The following DLG2 variants were observed in gnomAD, a reference collection of about 807,000 sequenced individuals.
The protein encoded by DLG2 is disks large homolog 2.
In DLG2, 45 loss-of-function variants were observed where a neutral mutation model predicts 132.5. The ratio of observed to expected loss-of-function variants is 0.34; its 90% CI spans 0.27 to 0.44. The LOEUF (loss-of-function observed/expected upper bound fraction) is 0.44. Among genes scored for constraint, DLG2 ranks in the 20% least tolerant of loss-of-function variants. DLG2 has a pLI of 1.00. For missense variants in DLG2, 1,045 were observed against 1,196.9 expected (o/e 0.87, Z 1.87); for synonymous variants, 424 against 419.6 (o/e 1.01, Z -0.13).
intron 4 of DLG2, among the ~76,000 whole-genome samples, chr11:85,252,181 G>A (rs1380633009): frequency 6.6e-6 from 1 of 152,198 alleles, no homozygotes; most frequent in East Asian, 1.9e-4. Flanking sequence ...TTCACAACTG[G>A]ATAGAGTAAC....
chr11:84,848,350 C>G (rs1040047862), intron 6 of DLG2, among the ~76,000 whole-genome samples: 1 of 151,886 alleles, frequency 6.6e-6, no homozygotes, highest in Non-Finnish European at 1.5e-5. Context: ...AAAAATTAGC[C>G]AGGCATGGTG....
chr11:84,161,906 A>T lies in DLG2; in HGVS notation c.624+1555T>A, dbSNP rs151231218. Among the ~76,000 whole-genome samples the T allele has an allele frequency of 2.7e-3, 404 of 152,244 alleles. 2 individuals are homozygous for T. Among genetic ancestry groups the T allele is most frequent in the African/African-American group, 9.2e-3 (382 of 41,568 alleles). On this transcript the variant is annotated intron_variant, in intron 9 of 27. Coordinates refer to ENST00000376104, the MANE Select transcript of DLG2 (RefSeq NM_001142699.3). ...AGCCTCACTTTTCTCCAGTTAGCATACCATTAAAATTTTATCAAGTCCATA... is the reference window on the plus strand; with the variant it reads ...AGCCTCACTTTTCTCCAGTTAGCATTCCATTAAAATTTTATCAAGTCCATA...
chr11:84,555,452 C>G (rs867598938), intron 6 of DLG2, among the ~76,000 whole-genome samples: 112 of 152,250 alleles, frequency 7.4e-4, no homozygotes, highest in Middle Eastern at 3.4e-3. Flanking sequence ...TATATACACA[C>G]ACACACACAA....
chr11:84,088,382 A>T (rs192472090), intron 10 of DLG2, among the ~76,000 whole-genome samples: 1 of 152,014 alleles, frequency 6.6e-6, no homozygotes, highest in African/African-American at 2.4e-5. Flanking sequence ...AGAGAAAAAA[A>T]AAAAAACAAA....
At chr11:84,270,931 C>A (rs533962206) in intron 7 of DLG2, among the ~76,000 whole-genome samples, 1 of 152,272 alleles carries the variant, frequency 6.6e-6, no homozygotes, top group South Asian at 2.1e-4. Flanking sequence ...GATATGTATA[C>A]TTCAGGATTT....
chr11:83,655,439 A>C (rs2153529736), intron 18 of DLG2, among the ~76,000 whole-genome samples: 1 of 152,310 alleles, frequency 6.6e-6, no homozygotes, highest in Middle Eastern at 3.4e-3. Flanking sequence ...AGAAAAGGCT[A>C]AATTTCAGGG....
At chr11:84,494,267 A>G (rs1290095349) in intron 7 of DLG2, among the ~76,000 whole-genome samples, 2 of 152,192 alleles carry the variant, frequency 1.3e-5, no homozygotes, top group African/African-American at 2.4e-5. Flanking sequence ...TATGCTGCCC[A>G]TGCCTTTGGC....
At position 83,753,809 on chromosome 11, in the gene DLG2, A is replaced by ATG. The variant is rs1215503233; in HGVS notation, c.1825+32880_1825+32881insCA. Among the ~76,000 whole-genome samples the ATG allele has an allele frequency of 3.7e-3, 304 of 82,034 alleles. 13 individuals carry two copies. In the South Asian group the frequency reaches 0.041, roughly 11 times the overall value. 53.8% of individuals were successfully genotyped at this position (82,034 alleles called of 152,430 possible). The stretch of plus-strand genomic sequence containing the variant: ...GTCATATATATGATATATCATATAT[A>ATG]TCATATATATATTTCATATATATAT... On this transcript the variant is annotated intron_variant, in intron 18 of 27. Transcript: ENST00000376104.
intron 8 of DLG2, among the ~76,000 whole-genome samples, chr11:84,167,715 G>T (rs1180669239): frequency 6.6e-6 from 1 of 151,864 alleles, no homozygotes. Flanking sequence ...CAACCAGGCT[G>T]GGGTACAGTG....
intron 19 of DLG2, among the ~76,000 whole-genome samples, chr11:83,620,357 G>T (rs1161340789): frequency 6.6e-6 from 1 of 151,826 alleles, no homozygotes; most frequent in Non-Finnish European, 1.5e-5. Context: ...TCAAAAAGTG[G>T]GTCTGTTTTA....
At chr11:84,840,682 T>C (rs1175746182) in intron 6 of DLG2, among the ~76,000 whole-genome samples, 1 of 152,078 alleles carries the variant, frequency 6.6e-6, no homozygotes, top group Non-Finnish European at 1.5e-5. Context: ...TGAGTTTATG[T>C]CCTTTGTAGG....
intron 11 of DLG2, among the ~76,000 whole-genome samples, chr11:84,053,420 T>G (rs1419515262): frequency 6.6e-6 from 1 of 151,960 alleles, no homozygotes; most frequent in East Asian, 1.9e-4. Context: ...CATATACCTC[T>G]GAACTTAAAT....
At chr11:83,994,055 C>T (rs908403261) in intron 11 of DLG2, among the ~76,000 whole-genome samples, 4 of 152,170 alleles carry the variant, frequency 2.6e-5, no homozygotes, top group African/African-American at 7.2e-5. Context: ...AGTCGCCACT[C>T]CTTTAACTTA....
At chr11:85,336,560 C>G (rs916408147) in intron 3 of DLG2, 1 of 159,816 alleles carries the variant, frequency 6.3e-6, no homozygotes, top group African/African-American at 2.4e-5. Flanking sequence ...CCTCAGGGCC[C>G]TTCTCCACCA....
At chr11:84,788,529 C>A (rs1565964883) in intron 6 of DLG2, among the ~76,000 whole-genome samples, 1 of 152,000 alleles carries the variant, frequency 6.6e-6, no homozygotes, top group Non-Finnish European at 1.5e-5. Flanking sequence ...ATTTATATTA[C>A]TTTTCTTAGT....
chr11:84,230,768 T>C (rs2097081163), intron 8 of DLG2, among the ~76,000 whole-genome samples: 1 of 152,132 alleles, frequency 6.6e-6, no homozygotes, highest in South Asian at 2.1e-4. Context: ...TGTGAAACAG[T>C]GAGACGAACA....
At chr11:83,715,901 T>C (rs1369849263) in intron 18 of DLG2, among the ~76,000 whole-genome samples, 1 of 152,168 alleles carries the variant, frequency 6.6e-6, no homozygotes, top group East Asian at 1.9e-4. Flanking sequence ...CATTTCTTCT[T>C]CCAGGAGGCC....
intron 4 of DLG2, among the ~76,000 whole-genome samples, chr11:85,257,030 A>C (rs558538053): frequency 3.3e-5 from 5 of 152,352 alleles, no homozygotes; most frequent in African/African-American, 1.2e-4. Context: ...GAAAGTGTAC[A>C]TGTGAGCTAA....
chr11:83,746,534 A>T (rs2092925378), intron 18 of DLG2, among the ~76,000 whole-genome samples: 1 of 152,062 alleles, frequency 6.6e-6, no homozygotes, highest in Non-Finnish European at 1.5e-5. Context: ...CAATGAGAAC[A>T]CATGGACACA....
Sources: allele counts gnomAD v4.1 joint callset (sites outside exome capture counted in the v4.1 genomes callset), GRCh38; gene constraint gnomAD v4.1.1; transcripts MANE v1.5; gene names NCBI Gene and HGNC (gene_info 2026-07-23, HGNC 2026-07-21).